CROCC2: variants seen among roughly 807,000 people sequenced by gnomAD.
CROCC2 encodes ciliary rootlet coiled-coil protein 2.
A neutral mutation model predicts 177.6 loss-of-function variants in CROCC2; 163 were observed. That is an observed-to-expected ratio of 0.92 (90% CI 0.81 to 1.05). CROCC2 has a LOEUF of 1.05. CROCC2 is among the 50% of genes least tolerant of loss of function. CROCC2 has a pLI of 0.00. For synonymous variants in CROCC2, 904 were observed against 787.3 expected, an observed-to-expected ratio of 1.15 and a Z score of -2.48; for missense variants, 1,929 against 1,797.8, an observed-to-expected ratio of 1.07 and a Z score of -1.32.
rs868523029 is a variant in CROCC2, at chr2:240,981,019, G to A, written c.4402-1861G>A. ...GACTCATCCCTGCTCAGTCTCTGGG[G>A]TAGGAGCCTCAGGAGCCCAGGCTCA... On this transcript the variant is annotated intron_variant, in intron 27 of 31. Transcript: ENST00000690015. Among the ~76,000 whole-genome samples, 3 of 105,756 alleles carry A rather than the reference G, an allele frequency of 2.8e-5. 1 individual carries two copies. The highest frequency in any genetic ancestry group is 9.2e-5 in the African/African-American group (2 of 21,790). 69.4% of individuals were successfully genotyped at this position (105,756 alleles called of 152,430 possible).
chr2:240,920,476 G>A (rs1335239491), intron 3 of CROCC2, among the ~76,000 whole-genome samples: 6 of 152,132 alleles, frequency 3.9e-5, no homozygotes, highest in Non-Finnish European at 8.8e-5. Flanking sequence ...GTCCTGACTC[G>A]CGGGGCCCAG....
chr2:240,934,657 C>T (rs953598335), intron 12 of CROCC2, among the ~76,000 whole-genome samples, 182 bp downstream of exon 12: 1 of 152,222 alleles, frequency 6.6e-6, no homozygotes, highest in Non-Finnish European at 1.5e-5. Flanking sequence ...CCTGGCCCAG[C>T]TGCTGTCAAC....
intron 22 of CROCC2, among the ~76,000 whole-genome samples, chr2:240,964,901 C>A (rs2059668936): frequency 6.6e-6 from 1 of 152,076 alleles, no homozygotes; most frequent in East Asian, 1.9e-4. Context: ...ATCCTACATG[C>A]AACACCTTCC....
chr2:240,963,844 G>A (rs2059659201), intron 21 of CROCC2, 71 bp downstream of exon 21: 1 of 1,473,932 alleles, frequency 6.8e-7, no homozygotes, highest in African/African-American at 1.4e-5. Context: ...TAGGGAGGAT[G>A]GGGCAAGGGG....
chr2:240,990,424 C>T (rs2059870090), intron 30 of CROCC2, among the ~76,000 whole-genome samples: 1 of 152,202 alleles, frequency 6.6e-6, no homozygotes, highest in South Asian at 2.1e-4. Context: ...TTAGAGCTGT[C>T]TGTTCATTTT....
At chr2:240,928,527 G>C (rs2059408506) in intron 5 of CROCC2, among the ~76,000 whole-genome samples, 1 of 152,038 alleles carries the variant, frequency 6.6e-6, no homozygotes, top group Admixed American at 6.5e-5. Flanking sequence ...CAGCCGTTCA[G>C]GCCAGCCCAG....
chr2:240,949,560 G>C lies in CROCC2; in HGVS notation c.2510G>C (p.Trp837Ser), dbSNP rs895015833. 1 of 1,550,478 alleles carries C rather than the reference G, an allele frequency of 6.4e-7. No homozygotes were observed. The highest frequency in any genetic ancestry group is 1.4e-5 in the African/African-American group (1 of 73,048). Residue 837 changes from tryptophan to serine, a missense_variant, in exon 17 of 32, where the codon TGG becomes TCG. Trp to Ser is a radical substitution (Grantham distance 177). This residue lies in a region of CROCC2 where 1,397 missense variants were observed against 1,239.9 expected (regional missense o/e 1.13). Transcript: ENST00000690015. The surrounding 1 kb of genome is among the most constrained non-coding windows in gnomAD (Gnocchi z 4.5). ...GAAATGGAGCAGCTACAAAGTGACTGGGAGGTCCAGGAAATGAAGCTGCGG... is the reference window on the plus strand; with the variant it reads ...GAAATGGAGCAGCTACAAAGTGACTCGGAGGTCCAGGAAATGAAGCTGCGG... Reference protein sequence around the residue: ...QVEMEQLQSDWEVQEMKLRQD... With the variant: ...QVEMEQLQSDSEVQEMKLRQD...
chr2:240,925,956 T>A lies in CROCC2; in HGVS notation c.645+76T>A, dbSNP rs891871864. The A allele has an allele frequency of 6.9e-5, 44 of 633,614 alleles. 1 individual carries two copies. In the African/African-American group the frequency reaches 7.3e-4, roughly 10 times the overall value. 39.2% of individuals were successfully genotyped at this position (633,614 alleles called of 1,614,324 possible). A position where few individuals can be genotyped will look rare whatever the true frequency, so the allele number is the denominator to read the frequency against. The stretch of plus-strand genomic sequence containing the variant: ...TATGGCTGGGTAGCAGGCAGGGACA[T>A]GGTGAGGGTGCACTGGCTCAGTGGC... On this transcript the variant is annotated intron_variant, in intron 5 of 31. Transcript: ENST00000690015.
At chr2:240,934,306 C>T in intron 11 of CROCC2, 25 bp from the exon 12 acceptor site, 1 of 1,546,818 alleles carries the variant, frequency 6.5e-7, no homozygotes, top group Non-Finnish European at 8.7e-7. Flanking sequence ...TGAGCGACCT[C>T]CCGCCCTCTG....
Position 240,955,973 on chromosome 2 carries a change from G to A in CROCC2, c.2943+1G>A. The A allele has an allele frequency of 6.5e-7, 1 of 1,533,748 alleles. No individual in the cohort carries two copies. The highest frequency in any genetic ancestry group is 8.7e-7 in the Non-Finnish European group (1 of 1,146,278). The stretch of plus-strand genomic sequence containing the variant: ...ACAGAGCCAGCAGGAGCAAGCGCAG[G>A]TGAGCCCCATGCAGCCAGGCCACGT... On this transcript the variant is annotated splice_donor_variant, in intron 19 of 31. Transcript: ENST00000690015. LOFTEE classifies it high-confidence loss of function.
chr2:240,962,032 ACGCACACACGCG>A (rs2059644641), intron 20 of CROCC2, among the ~76,000 whole-genome samples: 4 of 30,290 alleles, frequency 1.3e-4, no homozygotes, highest in Admixed American at 3.2e-4. Context: ...ACACACACGC[ACGCACACACGCG>A]CACACACATA....
At chr2:240,933,564 G>A (rs1020986159) in intron 10 of CROCC2, 106 bp from the exon 11 acceptor site, 3 of 1,323,038 alleles carry the variant, frequency 2.3e-6, no homozygotes, top group Middle Eastern at 2.4e-4. Context: ...CTCTGCCCAT[G>A]CAGTCTCAGG....
At chr2:240,912,434 G>T (rs769495598) in intron 1 of CROCC2, among the ~76,000 whole-genome samples, 9 of 152,204 alleles carry the variant, frequency 5.9e-5, no homozygotes, top group Non-Finnish European at 1.2e-4. Flanking sequence ...TTGATAATTT[G>T]CTGGAACAGC....
chr2:240,953,583 T>A lies in CROCC2; in HGVS notation c.2830-2276T>A, dbSNP rs774923560. Among the ~76,000 whole-genome samples the A allele has an allele frequency of 1.3e-5, 2 of 152,194 alleles. No homozygotes were observed. Among genetic ancestry groups the A allele is most frequent in the Non-Finnish European group, 2.9e-5 (2 of 68,032 alleles). ...CCCTTGCCGGTGCAGCAAGTGAGTT[T>A]TCCCAGGACCTCTGCTTGGCCAGCT... On this transcript the variant is annotated intron_variant, in intron 18 of 31. Transcript: ENST00000690015. This position sits in a 1 kb window ranked among gnomAD's most constrained non-coding sequence, Gnocchi z 4.0.
chr2:240,931,646 G>C (rs1428643513), intron 7 of CROCC2, among the ~76,000 whole-genome samples: 2 of 152,234 alleles, frequency 1.3e-5, no homozygotes, highest in Admixed American at 1.3e-4. Context: ...GCAGAAAGTA[G>C]GGAGGCGGCT....
chr2:240,980,122 G>A (rs866595501), intron 27 of CROCC2, among the ~76,000 whole-genome samples: 12 of 68,164 alleles, frequency 1.8e-4, no homozygotes, highest in Non-Finnish European at 2.3e-4. Flanking sequence ...CTCTGGGGTA[G>A]GAGCCTCAGG....
chr2:240,993,196 C>A lies in CROCC2; in HGVS notation c.*115C>A. 1.5e-6 allele frequency: 1 copy of A among 663,666 alleles called. No homozygotes were observed. Among genetic ancestry groups the A allele is most frequent in the South Asian group, 1.6e-5 (1 of 61,554 alleles). 41.1% of individuals were successfully genotyped at this position (663,666 alleles called of 1,614,324 possible). A position where few individuals can be genotyped will look rare whatever the true frequency, so the allele number is the denominator to read the frequency against. Reference sequence around the variant, plus strand: ...ACAGTGAAAGGCACCCGTGATGAGACAGCTCGCTCTCGGCAGTTTCAGGAC... The same window carrying A: ...ACAGTGAAAGGCACCCGTGATGAGAAAGCTCGCTCTCGGCAGTTTCAGGAC... On this transcript the variant is annotated 3_prime_UTR_variant, in exon 32 of 32. Transcript: ENST00000690015.
intron 18 of CROCC2, chr2:240,950,913 A>ACCCATCCATCCACCCATTTACCT (rs1184132746): frequency 0.4 from 62,076 of 154,576 alleles, 18,580 homozygotes; most frequent in Non-Finnish European, 0.45. Context: ...CCATCCATCC[A>ACCCATCCATCCACCCATTTACCT]GCCATCCATC....
intron 27 of CROCC2, chr2:240,981,708 T>C (rs1195067957): frequency 6.6e-6 from 1 of 152,116 alleles, no homozygotes; most frequent in Non-Finnish European, 1.5e-5. Flanking sequence ...GTACAAGCAT[T>C]GTCTTCCTTC....
Sources: gnomAD v4.1 joint callset for allele counts (sites outside exome capture counted in the v4.1 genomes callset) on GRCh38, gnomAD v4.1.1 for gene constraint, gnomAD v4.1.1 regional missense constraint, Gnocchi (gnomAD v3.1) non-coding constraint, MANE v1.5 for transcripts, NCBI Gene and HGNC (gene_info 2026-07-23, HGNC 2026-07-21) for gene names.